The following AGBL1 variants were observed in gnomAD, a reference collection of about 807,000 sequenced individuals.
AGBL1 encodes cytosolic carboxypeptidase 4.
In AGBL1, 130 loss-of-function variants were observed where a neutral mutation model predicts 118.9. That is an observed-to-expected ratio of 1.09 (90% confidence interval 0.95 to 1.26). The LOEUF (loss-of-function observed/expected upper bound fraction) is 1.26, where lower values mean the gene tolerates loss of function less well. Among genes scored for constraint, AGBL1 ranks in the 50% most tolerant of loss-of-function variants. The pLI, the probability that AGBL1 is intolerant of heterozygous loss-of-function variation, is 0.00. For synonymous variants in AGBL1, 555 were observed against 478.9 expected, an observed-to-expected ratio of 1.16 and a Z score of -2.08; for missense variants, 1,584 against 1,298.1, an observed-to-expected ratio of 1.22 and a Z score of -3.38.
intron 19 of AGBL1, among the ~76,000 whole-genome samples, chr15:86,528,537 G>A (rs1173885442): frequency 2.0e-5 from 3 of 148,600 alleles, no homozygotes; most frequent in African/African-American, 7.5e-5. Context: ...GGGGAGGGGC[G>A]CCGGCCATTG....
chr15:86,377,601 GTTATAATTTACAAGCTTATT>G (rs1199908607), intron 17 of AGBL1, among the ~76,000 whole-genome samples: 1 of 152,134 alleles, frequency 6.6e-6, no homozygotes, highest in Non-Finnish European at 1.5e-5. Flanking sequence ...TACATTTTGT[GTTATAATTTACAAGCTTATT>G]TTATATAAGT....
intron 22 of AGBL1, among the ~76,000 whole-genome samples, chr15:86,677,686 C>T (rs1184126598): frequency 6.6e-6 from 1 of 152,198 alleles, no homozygotes. Flanking sequence ...CTCAACACCT[C>T]CCGTGTTCTC....
intron 5 of AGBL1, among the ~76,000 whole-genome samples, chr15:86,163,497 G>A (rs1338447977): frequency 2.0e-5 from 3 of 152,174 alleles, no homozygotes; most frequent in East Asian, 1.9e-4. Context: ...GGAGGCTGAG[G>A]TGGGTGGGTC....
chr15:86,870,000 T>C (rs995046995), intron 22 of AGBL1, among the ~76,000 whole-genome samples: 6 of 152,130 alleles, frequency 3.9e-5, no homozygotes, highest in African/African-American at 1.4e-4. Context: ...TTTGAAACCA[T>C]TGCATCAAAG....
At chr15:86,936,270 CAG>C (rs763440102) in intron 23 of AGBL1, among the ~76,000 whole-genome samples, 1 of 146,802 alleles carries the variant, frequency 6.8e-6, no homozygotes, top group Non-Finnish European at 1.5e-5. Context: ...GTGTGTGTGA[CAG>C]AGAGAGAAAG....
rs151263305 is a variant in AGBL1 at position 86,356,355 on chromosome 15, T to TGTGTGTGTGTGC, written c.2375-41010_2375-41009insTGTGTGTGTGCG. On this transcript the variant is annotated intron_variant, in intron 17 of 22. Transcript: ENST00000614907. The stretch of plus-strand genomic sequence containing the variant: ...ATAGACGTGTGTGTGTGTGTGTGTG[T>TGTGTGTGTGTGC]GCGCGTGCGCCCGCACGCACGCGCA... Among the ~76,000 whole-genome samples the TGTGTGTGTGTGC allele has an allele frequency of 5.2e-3, 781 of 151,002 alleles. 3 individuals carry two copies. The highest frequency in any genetic ancestry group is 9.1e-3 in the Admixed American group (138 of 15,208).
chr15:86,527,288 T>G (rs945198338), intron 19 of AGBL1, among the ~76,000 whole-genome samples: 3 of 152,240 alleles, frequency 2.0e-5, no homozygotes, highest in Admixed American at 2.0e-4. Context: ...AGAATTCCTC[T>G]CTGCTCTGAC....
chr15:86,298,286 C>CTATATATATATATATATATATGGTAACTA (rs71460469), intron 17 of AGBL1, among the ~76,000 whole-genome samples: 4 of 63,088 alleles, frequency 6.3e-5, no homozygotes, highest in Non-Finnish European at 6.8e-5. Flanking sequence ...TATATGGTAA[C>CTATATATATATATATATATATGGTAACTA]TATATATATA....
intron 1 of AGBL1, among the ~76,000 whole-genome samples, chr15:86,102,687 A>G (rs1337097158): frequency 6.6e-6 from 1 of 152,160 alleles, no homozygotes; most frequent in African/African-American, 2.4e-5. Flanking sequence ...AAGTGACTAG[A>G]CACTTTTCTC....
At chr15:87,025,159 G>A (rs868863463) in intron 24 of AGBL1, among the ~76,000 whole-genome samples, 1 of 151,958 alleles carries the variant, frequency 6.6e-6, no homozygotes, top group African/African-American at 2.4e-5. Context: ...GAAATAAAGG[G>A]CATCCAAATT....
intron 22 of AGBL1, among the ~76,000 whole-genome samples, chr15:86,866,299 A>G (rs559123985): frequency 6.6e-6 from 1 of 152,184 alleles, no homozygotes; most frequent in South Asian, 2.1e-4. Context: ...CTCAGGTACT[A>G]TTCTTGAATT....
intron 3 of AGBL1, among the ~76,000 whole-genome samples, chr15:86,148,947 G>A (rs1185907469): frequency 6.6e-6 from 1 of 152,200 alleles, no homozygotes; most frequent in Non-Finnish European, 1.5e-5. Context: ...AACCCTACAA[G>A]CCAGAAGAGA....
chr15:86,828,328 C>A (rs1451884049), intron 22 of AGBL1, among the ~76,000 whole-genome samples: 1 of 152,012 alleles, frequency 6.6e-6, no homozygotes, highest in Non-Finnish European at 1.5e-5. Context: ...ATGTCACAAT[C>A]TCAGAAATCT....
At chr15:86,975,737 C>G (rs2081170925) in intron 23 of AGBL1, among the ~76,000 whole-genome samples, 1 of 152,152 alleles carries the variant, frequency 6.6e-6, no homozygotes, top group Non-Finnish European at 1.5e-5. Context: ...CACACTCAAC[C>G]TGTCTTTCAG....
intron 22 of AGBL1, among the ~76,000 whole-genome samples, chr15:86,726,889 A>G (rs1216572489): frequency 6.6e-6 from 1 of 152,158 alleles, no homozygotes; most frequent in Non-Finnish European, 1.5e-5. Flanking sequence ...TGGATACACC[A>G]GGTTTTAGTG....
intron 3 of AGBL1, among the ~76,000 whole-genome samples, chr15:86,151,879 T>A (rs185872365): frequency 4.3e-4 from 64 of 148,764 alleles, no homozygotes; most frequent in African/African-American, 1.5e-3. Flanking sequence ...CTATACACCA[T>A]TAACAGAGAG....
chr15:86,116,076 G>T (rs188823705), intron 1 of AGBL1, among the ~76,000 whole-genome samples: 1 of 152,114 alleles, frequency 6.6e-6, no homozygotes, highest in Admixed American at 6.6e-5. Flanking sequence ...CACTAAAATA[G>T]GCAGGGAACC....
chr15:87,015,220 T>G (rs188443149), intron 24 of AGBL1, among the ~76,000 whole-genome samples: 28 of 152,308 alleles, frequency 1.8e-4, no homozygotes, highest in Non-Finnish European at 3.2e-4. Context: ...CACCAGCTTC[T>G]TTAGTTCTCA....
chr15:86,236,947 GGGGGC>G (rs370882719), intron 6 of AGBL1, among the ~76,000 whole-genome samples: 906 of 19,334 alleles, frequency 0.047, 56 homozygotes, highest in African/African-American at 0.081. Context: ...GGGGGCGGGG[GGGGGC>G]GGGGGGGCGC....
Sources: allele counts gnomAD v4.1 joint callset (sites outside exome capture counted in the v4.1 genomes callset), GRCh38; gene constraint gnomAD v4.1.1; transcripts MANE v1.5; gene names NCBI Gene and HGNC (gene_info 2026-07-23, HGNC 2026-07-21).